The following USP33 variants were observed in gnomAD, a reference collection of about 807,000 sequenced individuals.
The protein encoded by USP33 is ubiquitin carboxyl-terminal hydrolase 33.
In USP33, 46 loss-of-function variants were observed where a neutral mutation model predicts 124.2. That is an observed-to-expected ratio of 0.37 (90% CI 0.29 to 0.47). USP33 has a LOEUF of 0.47. USP33 is among the 20% of genes least tolerant of loss of function. The pLI is 0.99. For synonymous variants in USP33, 350 were observed against 352.3 expected (o/e 0.99, Z 0.07); for missense variants, 851 against 1,070.6 (o/e 0.79, Z 2.86).
chr1:77,701,036 G>A (rs943340825), intron 22 of USP33, among the ~76,000 whole-genome samples: 5 of 152,108 alleles, frequency 3.3e-5, no homozygotes, highest in Admixed American at 6.5e-5. Context: ...ATTAAATATT[G>A]TCATACAATT....
chr1:77,721,339 C>A, intron 14 of USP33, 134 bp from the exon 15 acceptor site: 3 of 876,646 alleles, frequency 3.4e-6, no homozygotes, highest in South Asian at 3.2e-5. Flanking sequence ...TTAATCTATG[C>A]TCATGAATCA....
chr1:77,727,183 A>G (rs553002982), intron 10 of USP33, among the ~76,000 whole-genome samples: 1 of 152,348 alleles, frequency 6.6e-6, no homozygotes, highest in South Asian at 2.1e-4. Flanking sequence ...CTAACGGACC[A>G]GAGATGAAGT....
At chr1:77,724,759 T>TA (rs1050470805) in intron 11 of USP33, among the ~76,000 whole-genome samples, 1 of 152,078 alleles carries the variant, frequency 6.6e-6, no homozygotes, top group Non-Finnish European at 1.5e-5. Context: ...GGTATACCCA[T>TA]AAAAAATGAG....
intron 21 of USP33, among the ~76,000 whole-genome samples, chr1:77,710,474 T>C (rs1246994562): frequency 6.6e-6 from 1 of 152,200 alleles, no homozygotes; most frequent in African/African-American, 2.4e-5. Context: ...ATTTAAGCAT[T>C]GATGGAAAAA....
Position 77,714,740 on chromosome 1 carries a change from T to C in USP33, c.2089A>G (p.Asn697Asp), listed in dbSNP as rs568570196. The C allele has an allele frequency of 2.5e-6, 4 of 1,612,508 alleles. No individual in the cohort carries two copies. The highest frequency in any genetic ancestry group is 2.2e-5 in the East Asian group (1 of 44,856). The change falls in exon 19 of 24, where the codon AAT (asparagine) becomes GAT (aspartate). Residue 697 changes from asparagine (N) to aspartate (D), a missense_variant. Transcript: ENST00000370794. Reference sequence around the variant, plus strand: ...CTTGGTTCCATTATGTTCAATAAATTTGATATCCTTCTCCTCTCTTTTTGT... The same window carrying C: ...CTTGGTTCCATTATGTTCAATAAATCTGATATCCTTCTCCTCTCTTTTTGT... ...EAQKERRRIS[N>D]LLNIMEPSLL...
chr1:77,756,666 C>T (rs927725502), intron 1 of USP33, among the ~76,000 whole-genome samples: 1 of 152,180 alleles, frequency 6.6e-6, no homozygotes, highest in Non-Finnish European at 1.5e-5. Context: ...GGCAGTTATA[C>T]AAAAATCTCC....
chr1:77,724,788 T>C lies in USP33; in HGVS notation c.1276+834A>G, dbSNP rs535809104. Among the ~76,000 whole-genome samples, 27 of 152,276 alleles carry C rather than the reference T, an allele frequency of 1.8e-4. 1 individual carries two copies. In the South Asian group the frequency reaches 5.6e-3, roughly 32 times the overall value. On this transcript the variant is annotated intron_variant, in intron 11 of 23. Coordinates refer to ENST00000370794, the MANE Select transcript of USP33 (RefSeq NM_201624.3). ...AAATGAGATATTAGGCCGGGCATGG[T>C]GGCTCATGCCTGTAATTCTAACACT...
intron 1 of USP33, among the ~76,000 whole-genome samples, chr1:77,750,736 G>T (rs1680257650): frequency 6.6e-6 from 1 of 152,158 alleles, no homozygotes; most frequent in Non-Finnish European, 1.5e-5. Flanking sequence ...TTTGTCCCAA[G>T]GATATTTAGT....
rs1415733349 is a variant in USP33, at chr1:77,714,665, A to G, written c.2164T>C (p.Phe722Leu). The change falls in exon 19 of 24, where the codon TTT becomes CTT. Residue 722 changes from phenylalanine (F) to leucine (L), a missense_variant. Coordinates refer to ENST00000370794, the MANE Select transcript of USP33 (RefSeq NM_201624.3). Reference sequence around the variant, plus strand: ...TTTGAAATAGGGCCAGGTTCGGCAAAGGTCTTAAATTTATTAAGCCACTGT... The same window carrying G: ...TTTGAAATAGGGCCAGGTTCGGCAAGGGTCTTAAATTTATTAAGCCACTGT... Reference protein sequence around the residue: ...SRQWLNKFKTFAEPGPISNND... With the variant: ...SRQWLNKFKTLAEPGPISNND... 1 of 1,613,422 alleles carries G rather than the reference A, an allele frequency of 6.2e-7. No homozygotes were observed. Among genetic ancestry groups the G allele is most frequent in the Admixed American group, 1.7e-5 (1 of 60,014 alleles).
At chr1:77,740,654 C>T (rs1057234727) in intron 4 of USP33, among the ~76,000 whole-genome samples, 4 of 152,170 alleles carry the variant, frequency 2.6e-5, no homozygotes, top group Non-Finnish European at 5.9e-5. Flanking sequence ...CATGCCTGGC[C>T]GGATGTACAC....
intron 10 of USP33, among the ~76,000 whole-genome samples, chr1:77,728,024 T>C (rs980541186): frequency 3.3e-5 from 5 of 152,326 alleles, no homozygotes; most frequent in East Asian, 3.9e-4. Context: ...GAGAAAATTC[T>C]GGGGAGCCCA....
rs113310451 is a variant in USP33, at chr1:77,705,667, T to TA, written c.2407-4197dup. Among the ~76,000 whole-genome samples, 736 of 143,174 alleles carry TA rather than the reference T, an allele frequency of 5.1e-3. 2 individuals carry two copies. The highest frequency in any genetic ancestry group is 0.012 in the African/African-American group (450 of 39,088). The allele number at this position is 143,174 out of a possible 152,430, so 93.9% of individuals were successfully genotyped here. On this transcript the variant is annotated intron_variant, in intron 21 of 23. Transcript: ENST00000370794. ...ACCTTGCCCAGCCCCAGATTTGCTTTAAAAAAAAAAAAAAAATTTTATTAA... is the reference window on the plus strand; with the variant it reads ...ACCTTGCCCAGCCCCAGATTTGCTTTAAAAAAAAAAAAAAAAATTTTATTAA...
At chr1:77,741,937 A>C (rs1679169780) in intron 1 of USP33, among the ~76,000 whole-genome samples, 189 bp from the exon 2 acceptor site, 1 of 152,198 alleles carries the variant, frequency 6.6e-6, no homozygotes, top group African/African-American at 2.4e-5. Context: ...ATTGAAGTTA[A>C]TCTGAACACT....
chr1:77,718,942 A>AAG (rs1553193415), intron 15 of USP33, among the ~76,000 whole-genome samples: 1 of 150,916 alleles, frequency 6.6e-6, no homozygotes, highest in African/African-American at 2.4e-5. Context: ...AAAAAAAAAA[A>AAG]AAAGAAAGAA....
At position 77,702,141 on chromosome 1, in the gene USP33, C is replaced by CAAAAAAAAAAAAAAAA. The variant is rs58750531; in HGVS notation, c.2407-686_2407-671dup. On this transcript the variant is annotated intron_variant, in intron 21 of 23. Transcript: ENST00000370794. ...TGGGTGACAGAACAAGACCCTGTCTCAAAAAAAAAAAAAAAAAAAAAAAAA... is the reference window on the plus strand; with the variant it reads ...TGGGTGACAGAACAAGACCCTGTCTCAAAAAAAAAAAAAAAAAAAAAAAAAAAAAAAAAAAAAAAAA... Among the ~76,000 whole-genome samples the CAAAAAAAAAAAAAAAA allele has an allele frequency of 1.6e-3, 25 of 15,780 alleles. 1 individual carries two copies. Among genetic ancestry groups the CAAAAAAAAAAAAAAAA allele is most frequent in the African/African-American group, 3.2e-3 (25 of 7,800 alleles). 10.4% of individuals were successfully genotyped at this position (15,780 alleles called of 152,430 possible).
intron 9 of USP33, 57 bp from the exon 10 acceptor site, chr1:77,728,769 A>G (rs1677452436): frequency 6.6e-7 from 1 of 1,526,316 alleles, no homozygotes; most frequent in Non-Finnish European, 8.8e-7. Flanking sequence ...ATAGAAACGT[A>G]AGGGAAAATA....
intron 5 of USP33, 73 bp downstream of exon 5, chr1:77,739,192 T>G: frequency 6.6e-7 from 1 of 1,524,904 alleles, no homozygotes; most frequent in Non-Finnish European, 8.8e-7. Context: ...TTTGAAAATT[T>G]CAGCTACATG....
In USP33 at chr1:77,730,613, C is replaced by G. The variant is rs761367334; in HGVS notation, c.638+5G>C. ...TAAAGAAGAAGAGTATATTAAGTTACATACCTGCTTTTATGCCACAGCTCT... is the reference window on the plus strand; with the variant it reads ...TAAAGAAGAAGAGTATATTAAGTTAGATACCTGCTTTTATGCCACAGCTCT... On this transcript the variant is annotated splice_donor_5th_base_variant and intron_variant, in intron 8 of 23. Coordinates refer to ENST00000370794, the MANE Select transcript of USP33 (RefSeq NM_201624.3). 1.3e-6 allele frequency: 2 copies of G among 1,536,450 alleles called. No individual in the cohort carries two copies. The highest frequency in any genetic ancestry group is 8.8e-7 in the Non-Finnish European group (1 of 1,140,634).
intron 22 of USP33, among the ~76,000 whole-genome samples, chr1:77,700,574 CT>C (rs1297380732): frequency 1.3e-5 from 2 of 152,084 alleles, no homozygotes; most frequent in Non-Finnish European, 2.9e-5. Context: ...TGCTGCTGTA[CT>C]TAAACCTGGG....
Sources: allele counts gnomAD v4.1 joint callset (sites outside exome capture counted in the v4.1 genomes callset), GRCh38; gene constraint gnomAD v4.1.1; transcripts MANE v1.5; gene names NCBI Gene and HGNC (gene_info 2026-07-23, HGNC 2026-07-21).